The following ANKRD42 variants were observed in gnomAD, a reference collection of about 807,000 sequenced individuals.
ANKRD42 encodes ankyrin repeat domain-containing protein 42.
ANKRD42 carries 43 observed loss-of-function variants against 51.5 expected under a neutral mutation model. The ratio of observed to expected loss-of-function variants is 0.83; its 90% CI spans 0.65 to 1.08. ANKRD42 has a LOEUF of 1.08. Among genes scored for constraint, ANKRD42 ranks in the 50% least tolerant of loss-of-function variants. The pLI is 0.00. For synonymous variants in ANKRD42, 203 were observed against 213.0 expected (o/e 0.95, Z 0.41); for missense variants, 608 against 629.3 (o/e 0.97, Z 0.36).
At position 83,198,475 on chromosome 11, in the gene ANKRD42, A is replaced by G. The variant is rs187835644; in HGVS notation, c.59-4A>G. On this transcript the variant is annotated splice_polypyrimidine_tract_variant and splice_region_variant and intron_variant, in intron 1 of 10. Coordinates refer to ENST00000533342, the MANE Select transcript of ANKRD42 (RefSeq NM_001300975.2). Reference sequence around the variant, plus strand: ...ACATTGTAAGTAATTTGATTTTTCAATAGGTTCCAGGAAGAAGGTGCATTT... The same window carrying G: ...ACATTGTAAGTAATTTGATTTTTCAGTAGGTTCCAGGAAGAAGGTGCATTT... 3.2e-4 allele frequency: 520 copies of G among 1,606,316 alleles called. 3 individuals carry two copies. The East Asian group carries it at 3.9e-3, about 12-fold the overall frequency.
At chr11:83,213,514 G>T (rs1298112952) in intron 5 of ANKRD42, 3 of 1,301,568 alleles carry the variant, frequency 2.3e-6, no homozygotes, top group Middle Eastern at 3.0e-4. Context: ...CGCTTTTTCA[G>T]ACTGCTTTCA....
intron 9 of ANKRD42, among the ~76,000 whole-genome samples, chr11:83,242,795 C>T (rs1863433513): frequency 6.6e-6 from 1 of 151,936 alleles, no homozygotes; most frequent in Non-Finnish European, 1.5e-5. Context: ...GAACTCCTGA[C>T]CTTGTGATCC....
At chr11:83,218,593 TG>T (rs1365035884) in intron 5 of ANKRD42, among the ~76,000 whole-genome samples, 17 of 152,334 alleles carry the variant, frequency 1.1e-4, no homozygotes, top group African/African-American at 4.1e-4. Context: ...GAAGGGGGCA[TG>T]CAAGTAAATG....
At chr11:83,228,006 G>A (rs1053181698) in intron 7 of ANKRD42, 134 bp downstream of exon 7, 8 of 978,370 alleles carry the variant, frequency 8.2e-6, no homozygotes, top group Non-Finnish European at 1.1e-5. Flanking sequence ...AGTCTATCTT[G>A]TATGGTATAT....
At chr11:83,216,469 C>T (rs1232350116) in intron 5 of ANKRD42, among the ~76,000 whole-genome samples, 6 of 152,006 alleles carry the variant, frequency 3.9e-5, no homozygotes, top group African/African-American at 4.8e-5. Context: ...GGACTACAGG[C>T]GCCCGCCACC....
At chr11:83,223,941 A>G (rs1040449373) in intron 5 of ANKRD42, among the ~76,000 whole-genome samples, 1 of 143,482 alleles carries the variant, frequency 7.0e-6, no homozygotes, top group African/African-American at 2.6e-5. Flanking sequence ...CTCCAGATTC[A>G]TTCCTTTTTT....
chr11:83,227,608 G>C, intron 6 of ANKRD42, 139 bp from the exon 7 acceptor site: 1 of 729,256 alleles, frequency 1.4e-6, no homozygotes, highest in Non-Finnish European at 2.2e-6. Context: ...CTTTTTACTG[G>C]TAGTCATCAA....
chr11:83,202,182 A>C (rs1228821743), intron 2 of ANKRD42, among the ~76,000 whole-genome samples: 1 of 152,214 alleles, frequency 6.6e-6, no homozygotes, highest in Non-Finnish European at 1.5e-5. Context: ...AGGCTTAAGA[A>C]AGGGATCCAG....
chr11:83,255,680 C>T (rs545758937), intron 11 of ANKRD42, among the ~76,000 whole-genome samples: 118 of 152,226 alleles, frequency 7.8e-4, no homozygotes, highest in Middle Eastern at 3.4e-3. Flanking sequence ...TGCACTGTTA[C>T]TTCACATTTG....
chr11:83,225,710 G>T (rs1012487967), intron 6 of ANKRD42, among the ~76,000 whole-genome samples: 1 of 149,600 alleles, frequency 6.7e-6, no homozygotes, highest in Non-Finnish European at 1.5e-5. Context: ...AACCTGGGAG[G>T]TGGAGGTTGT....
intron 5 of ANKRD42, among the ~76,000 whole-genome samples, chr11:83,221,377 G>A (rs1862712956): frequency 6.6e-6 from 1 of 152,138 alleles, no homozygotes. Context: ...TCTTGTTAGA[G>A]TCAGTCAGTA....
chr11:83,210,260 C>G (rs1215779248), intron 3 of ANKRD42, 40 bp from the exon 4 acceptor site: 1 of 1,592,864 alleles, frequency 6.3e-7, no homozygotes, highest in African/African-American at 1.3e-5. Flanking sequence ...GGTTTAACAT[C>G]TATACTCATG....
chr11:83,199,435 A>G (rs553581544), intron 2 of ANKRD42, among the ~76,000 whole-genome samples: 1 of 152,174 alleles, frequency 6.6e-6, no homozygotes, highest in African/African-American at 2.4e-5. Context: ...TTTGAGTTTT[A>G]TCCATATGGT....
intron 8 of ANKRD42, among the ~76,000 whole-genome samples, chr11:83,239,045 A>G (rs1565194722): frequency 6.6e-6 from 1 of 152,020 alleles, no homozygotes; most frequent in Admixed American, 6.6e-5. Flanking sequence ...ATGGATGTCA[A>G]TTTCTGTTGT....
intron 1 of ANKRD42, among the ~76,000 whole-genome samples, chr11:83,197,811 A>G (rs1861716438): frequency 6.6e-6 from 1 of 152,258 alleles, no homozygotes; most frequent in Non-Finnish European, 1.5e-5. Context: ...AGTGTAAGAC[A>G]TAAATTAGAA....
In ANKRD42 at chr11:83,227,900, G is replaced by A. The variant is rs367715172; in HGVS notation, c.913+28G>A. ...GAGTTATGATTCCTCCTTTCAGTTC[G>A]GATACAATAGCTGCTGAGTTATTCA... On this transcript the variant is annotated intron_variant, in intron 7 of 10. Coordinates refer to ENST00000533342, the MANE Select transcript of ANKRD42 (RefSeq NM_001300975.2). The A allele has an allele frequency of 1.4e-5, 22 of 1,571,518 alleles. No homozygotes were observed. The African/African-American group carries it at 1.5e-4, about 11-fold the overall frequency.
chr11:83,209,639 A>C, intron 3 of ANKRD42: 1 of 817,624 alleles, frequency 1.2e-6, no homozygotes, highest in African/African-American at 1.7e-5. Flanking sequence ...AAAGAAATGA[A>C]GCTGGCAAGC....
intron 5 of ANKRD42, among the ~76,000 whole-genome samples, chr11:83,215,502 T>G (rs1420563631): frequency 6.6e-6 from 1 of 152,180 alleles, no homozygotes; most frequent in Non-Finnish European, 1.5e-5. Context: ...GTTTTCTGGT[T>G]GTTTTGTAAC....
rs139034328 is a variant in ANKRD42 at position 83,231,829 on chromosome 11, G to A, written c.913+3957G>A. The stretch of plus-strand genomic sequence containing the variant: ...AGAGACTGTCTTTTACCCAGTGTAT[G>A]TTCTTGTATGTTCTTAGCATCTTTG... On this transcript the variant is annotated intron_variant, in intron 7 of 10. Transcript: ENST00000533342. Among the ~76,000 whole-genome samples the A allele has an allele frequency of 1.1e-4, 16 of 152,134 alleles. No individual in the cohort carries two copies. In the East Asian group the frequency reaches 2.9e-3, roughly 27 times the overall value.
Sources: allele counts gnomAD v4.1 joint callset (sites outside exome capture counted in the v4.1 genomes callset), GRCh38; gene constraint gnomAD v4.1.1; transcripts MANE v1.5; gene names NCBI Gene and HGNC (gene_info 2026-07-23, HGNC 2026-07-21).